CNRIP1: variants seen among roughly 807,000 people sequenced by gnomAD.
CNRIP1 encodes cannabinoid receptor interacting protein 1, also known as CB1 cannabinoid receptor-interacting protein 1.
A neutral mutation model predicts 15.2 loss-of-function variants in CNRIP1; 10 were observed. That is an observed-to-expected ratio of 0.66 (90% CI 0.41 to 1.12). CNRIP1 has a LOEUF of 1.12. Ranked by LOEUF, CNRIP1 falls within the 50% of genes most tolerant of loss-of-function variation. CNRIP1 has a pLI of 0.00. For synonymous variants in CNRIP1, 91 were observed against 83.2 expected, an observed-to-expected ratio of 1.09 and a Z score of -0.51; for missense variants, 211 against 214.7, an observed-to-expected ratio of 0.98 and a Z score of 0.11.
At position 68,305,524 on chromosome 2, in the gene CNRIP1, G is replaced by A. The variant is rs932877893; in HGVS notation, c.331-11498C>T. On this transcript the variant is annotated intron_variant, in intron 2 of 2. Coordinates refer to ENST00000263655, the MANE Select transcript of CNRIP1 (RefSeq NM_015463.3). The stretch of plus-strand genomic sequence containing the variant: ...TTAAAACTGGAAGTAGGCCGGGGGC[G>A]GTGGCTCACGCCTGTAATCCCAGCA... 3.3e-5 allele frequency among the ~76,000 whole-genome samples: 5 copies of A among 151,866 alleles called. No individual in the cohort carries two copies. In the South Asian group the frequency reaches 6.2e-4, roughly 19 times the overall value.
chr2:68,301,490 A>G (rs1671602295), intron 2 of CNRIP1, among the ~76,000 whole-genome samples: 1 of 152,210 alleles, frequency 6.6e-6, no homozygotes, highest in African/African-American at 2.4e-5. Flanking sequence ...TACTGCCCCT[A>G]TTCAGCATTG....
At chr2:68,319,165 A>G (rs1672393812) in intron 1 of CNRIP1, 57 bp downstream of exon 1, 6 of 1,458,582 alleles carry the variant, frequency 4.1e-6, no homozygotes, top group African/African-American at 2.9e-5. Context: ...TGGGGGCCTC[A>G]GTCCTCTGCC....
chr2:68,303,818 T>G (rs1462917913), intron 2 of CNRIP1, among the ~76,000 whole-genome samples: 1 of 152,194 alleles, frequency 6.6e-6, no homozygotes, highest in African/African-American at 2.4e-5. Context: ...TGCTCACCCC[T>G]GTAATCCCAG....
At chr2:68,317,413 G>A in intron 1 of CNRIP1, 106 bp from the exon 2 acceptor site, 1 of 1,193,158 alleles carries the variant, frequency 8.4e-7, no homozygotes, top group South Asian at 1.4e-5. Flanking sequence ...TTCACTAAGG[G>A]GGGCATTGTG....
chr2:68,310,667 A>C (rs2103676470), intron 2 of CNRIP1, among the ~76,000 whole-genome samples: 1 of 152,168 alleles, frequency 6.6e-6, no homozygotes, highest in Non-Finnish European at 1.5e-5. Context: ...GTTTGTGGCC[A>C]AAAATTACGA....
At chr2:68,308,076 C>T (rs985033855) in intron 2 of CNRIP1, among the ~76,000 whole-genome samples, 8 of 151,916 alleles carry the variant, frequency 5.3e-5, no homozygotes, top group Non-Finnish European at 7.4e-5. Context: ...GGCTGTAGTC[C>T]CAGCTATTCA....
chr2:68,300,305 T>C (rs1222841086), intron 2 of CNRIP1, among the ~76,000 whole-genome samples: 1 of 152,192 alleles, frequency 6.6e-6, no homozygotes, highest in Non-Finnish European at 1.5e-5. Context: ...CTGGTGACTA[T>C]ATAGTGATAA....
In CNRIP1 at chr2:68,293,428, C is replaced by T. The variant is rs946437531; in HGVS notation, c.*434G>A. On this transcript the variant is annotated 3_prime_UTR_variant, in exon 3 of 3. Transcript: ENST00000263655. ...GCAAACACTGCAAGTTACATGTTAC[C>T]ATATTACACATGGGAGGACCCATAC... 7.1e-6 allele frequency: 7 copies of T among 986,880 alleles called. No homozygotes were observed. The highest frequency in any genetic ancestry group is 7.0e-5 in the African/African-American group (4 of 57,280). The allele number at this position is 986,880 out of a possible 1,614,324, so 61.1% of individuals were successfully genotyped here.
At chr2:68,319,025 G>A (rs940634595) in intron 1 of CNRIP1, among the ~76,000 whole-genome samples, 197 bp downstream of exon 1, 3 of 152,246 alleles carry the variant, frequency 2.0e-5, no homozygotes, top group African/African-American at 4.8e-5. Flanking sequence ...GGAGGGAAGC[G>A]AGAATGGAGG....
At chr2:68,307,542 T>C (rs1033371679) in intron 2 of CNRIP1, among the ~76,000 whole-genome samples, 4 of 152,162 alleles carry the variant, frequency 2.6e-5, no homozygotes, top group African/African-American at 9.7e-5. Context: ...CTCAGGCTAG[T>C]CTTGAACTCC....
chr2:68,313,542 T>C (rs538622146), intron 2 of CNRIP1, among the ~76,000 whole-genome samples: 14 of 152,260 alleles, frequency 9.2e-5, no homozygotes, highest in African/African-American at 3.1e-4. Flanking sequence ...AATCTCAACA[T>C]TATACTAAGT....
chr2:68,299,894 T>C (rs1479386428), intron 2 of CNRIP1, among the ~76,000 whole-genome samples: 2 of 152,234 alleles, frequency 1.3e-5, no homozygotes, highest in South Asian at 2.1e-4. Flanking sequence ...CTACTTCTAC[T>C]GCAGACATGA....
intron 2 of CNRIP1, among the ~76,000 whole-genome samples, chr2:68,302,981 G>A (rs1048807890): frequency 1.3e-5 from 2 of 151,466 alleles, no homozygotes; most frequent in Admixed American, 1.3e-4. Context: ...CCGAGTAGCT[G>A]GGACTACAGG....
intron 2 of CNRIP1, among the ~76,000 whole-genome samples, chr2:68,300,982 G>A (rs77241720): frequency 0.033 from 5,088 of 152,200 alleles, 287 homozygotes; most frequent in African/African-American, 0.12. Context: ...GACATATAAG[G>A]GGAAAAAGCC....
In CNRIP1 at chr2:68,293,701, G is replaced by A; in HGVS notation, c.*161C>T. On this transcript the variant is annotated 3_prime_UTR_variant, in exon 3 of 3. Transcript: ENST00000263655. The stretch of plus-strand genomic sequence containing the variant: ...CCATCTTGTATGTGAGGGATATTGT[G>A]TCAGAGGGGAATTACACTTTCAAAA... 1 of 1,401,012 alleles carries A rather than the reference G, an allele frequency of 7.1e-7. No individual in the cohort carries two copies. Among genetic ancestry groups the A allele is most frequent in the South Asian group, 1.7e-5 (1 of 59,958 alleles). 86.8% of individuals were successfully genotyped at this position (1,401,012 alleles called of 1,614,324 possible).
At chr2:68,311,571 C>T (rs1258465083) in intron 2 of CNRIP1, among the ~76,000 whole-genome samples, 2 of 151,828 alleles carry the variant, frequency 1.3e-5, no homozygotes, top group Non-Finnish European at 2.9e-5. Context: ...GCCAGGAGTT[C>T]GAGACCAGCC....
chr2:68,316,998 T>C, intron 2 of CNRIP1, 159 bp downstream of exon 2: 1 of 867,278 alleles, frequency 1.2e-6, no homozygotes. Flanking sequence ...AATTAAGTAG[T>C]TCTCTCTCCA....
intron 2 of CNRIP1, among the ~76,000 whole-genome samples, chr2:68,309,442 A>G (rs1671995237): frequency 6.6e-6 from 1 of 152,208 alleles, no homozygotes; most frequent in Non-Finnish European, 1.5e-5. Context: ...GTTAAGTTCT[A>G]TGGTATGTAA....
Position 68,319,481 on chromosome 2 carries a change from G to A in CNRIP1, c.-81C>T. On this transcript the variant is annotated 5_prime_UTR_variant, in exon 1 of 3. Transcript: ENST00000263655. ...CGGCCGAGTGGCTGGAGCGCGAGGG[G>A]CGGAGAGGAAGCGCGGGGAGGGTGA... The A allele has an allele frequency of 7.3e-7, 1 of 1,377,174 alleles. No homozygotes were observed. The highest frequency in any genetic ancestry group is 9.5e-7 in the Non-Finnish European group (1 of 1,050,368). 85.3% of individuals were successfully genotyped at this position (1,377,174 alleles called of 1,614,324 possible).
Sources: allele counts gnomAD v4.1 joint callset (sites outside exome capture counted in the v4.1 genomes callset), GRCh38; gene constraint gnomAD v4.1.1; transcripts MANE v1.5; gene names NCBI Gene and HGNC (gene_info 2026-07-23, HGNC 2026-07-21).